The following VWC2 variants were observed in gnomAD, a reference collection of about 807,000 sequenced individuals.
VWC2 encodes von Willebrand factor C domain containing 2.
VWC2 carries 14 observed loss-of-function variants against 29.8 expected under a neutral mutation model. The ratio of observed to expected loss-of-function variants is 0.47; its 90% CI spans 0.31 to 0.74. VWC2 has a LOEUF of 0.74. Among genes scored for constraint, VWC2 ranks in the 30% least tolerant of loss-of-function variants. The pLI, the probability that VWC2 is intolerant of heterozygous loss-of-function variation, is 0.05. For synonymous variants in VWC2, 213 were observed against 199.0 expected, an observed-to-expected ratio of 1.07 and a Z score of -0.59; for missense variants, 457 against 459.8, an observed-to-expected ratio of 0.99 and a Z score of 0.05.
At chr7:49,881,519 T>G (rs1362359102) in intron 3 of VWC2, among the ~76,000 whole-genome samples, 2 of 152,190 alleles carry the variant, frequency 1.3e-5, no homozygotes, top group East Asian at 3.8e-4. Flanking sequence ...GTGGCCTTAC[T>G]TATTTGGGTT....
At chr7:49,844,552 T>C (rs946510295) in intron 3 of VWC2, among the ~76,000 whole-genome samples, 6 of 152,176 alleles carry the variant, frequency 3.9e-5, no homozygotes, top group African/African-American at 1.2e-4. Flanking sequence ...GGCCATAAAA[T>C]TGTAGCAAAC....
chr7:49,777,299 C>A (rs146747146), intron 2 of VWC2, among the ~76,000 whole-genome samples: 1 of 152,266 alleles, frequency 6.6e-6, no homozygotes, highest in African/African-American at 2.4e-5. Context: ...GTGAGATCTG[C>A]TAATTCCCAG....
At chr7:49,795,999 G>T (rs761293852) in intron 2 of VWC2, among the ~76,000 whole-genome samples, 2 of 152,112 alleles carry the variant, frequency 1.3e-5, no homozygotes, top group African/African-American at 2.4e-5. Context: ...AGGCAGATAG[G>T]GGGTAGGGGC....
At chr7:49,821,481 T>C (rs56143906) in intron 3 of VWC2, among the ~76,000 whole-genome samples, 11,459 of 152,240 alleles carry the variant, frequency 0.075, 504 homozygotes, top group South Asian at 0.1. Flanking sequence ...TCAACTGCAA[T>C]TTTCTAATAG....
intron 3 of VWC2, among the ~76,000 whole-genome samples, chr7:49,843,860 G>A (rs1180344589): frequency 1.3e-5 from 2 of 152,162 alleles, no homozygotes; most frequent in African/African-American, 4.8e-5. Context: ...TGCAGAGGAT[G>A]AATGGAAAAA....
chr7:49,798,444 G>GAGCCACGGCTGC (rs1344420383), intron 2 of VWC2, among the ~76,000 whole-genome samples: 4 of 152,228 alleles, frequency 2.6e-5, no homozygotes, highest in African/African-American at 9.6e-5. Flanking sequence ...CCCACGGCTG[G>GAGCCACGGCTGC]AGCCACGGCT....
intron 3 of VWC2, among the ~76,000 whole-genome samples, chr7:49,818,018 G>C (rs1183266780): frequency 6.6e-6 from 1 of 152,190 alleles, no homozygotes; most frequent in Non-Finnish European, 1.5e-5. Flanking sequence ...TTTGTCACCT[G>C]ATGAGCAGGC....
chr7:49,851,078 G>C (rs1378294669), intron 3 of VWC2, among the ~76,000 whole-genome samples: 4 of 152,170 alleles, frequency 2.6e-5, no homozygotes, highest in Admixed American at 1.3e-4. Flanking sequence ...TGGAGGTTCC[G>C]ACGGCTGCTC....
chr7:49,794,636 C>A (rs961652340), intron 2 of VWC2, among the ~76,000 whole-genome samples: 1 of 152,122 alleles, frequency 6.6e-6, no homozygotes, highest in Admixed American at 6.5e-5. Flanking sequence ...GTGCAAGGAC[C>A]CTGAGCACAG....
intron 3 of VWC2, among the ~76,000 whole-genome samples, chr7:49,808,367 C>T (rs1364915625): frequency 6.6e-6 from 1 of 151,872 alleles, no homozygotes; most frequent in Non-Finnish European, 1.5e-5. Context: ...AACAACAGAG[C>T]CCCAAAATAC....
intron 3 of VWC2, among the ~76,000 whole-genome samples, chr7:49,910,489 T>C (rs1793349717): frequency 6.6e-6 from 1 of 152,158 alleles, no homozygotes; most frequent in South Asian, 2.1e-4. Context: ...GGCCTTTATT[T>C]AGGATGCAGT....
intron 1 of VWC2, among the ~76,000 whole-genome samples, chr7:49,774,448 C>T (rs1788007810): frequency 6.6e-6 from 1 of 152,194 alleles, no homozygotes; most frequent in African/African-American, 2.4e-5. Flanking sequence ...TCTCCCAGCC[C>T]CTTTGGGCGG....
intron 3 of VWC2, among the ~76,000 whole-genome samples, chr7:49,911,383 G>A (rs1325770512): frequency 6.6e-6 from 1 of 151,292 alleles, no homozygotes; most frequent in Non-Finnish European, 1.5e-5. Context: ...TCTGGAGGCT[G>A]CGGCAGGAGA....
chr7:49,792,618 A>G (rs1384945416), intron 2 of VWC2, among the ~76,000 whole-genome samples: 3 of 152,284 alleles, frequency 2.0e-5, no homozygotes, highest in East Asian at 1.9e-4. Flanking sequence ...GTTGCCACAT[A>G]CACTGTCTTT....
At chr7:49,791,267 G>C in intron 2 of VWC2, among the ~76,000 whole-genome samples, 1 of 152,232 alleles carries the variant, frequency 6.6e-6, no homozygotes, top group East Asian at 1.9e-4. Flanking sequence ...AGCTAGAAAA[G>C]GCACTTTCGC....
At chr7:49,826,905 A>G (rs1037531104) in intron 3 of VWC2, among the ~76,000 whole-genome samples, 1 of 152,106 alleles carries the variant, frequency 6.6e-6, no homozygotes, top group African/African-American at 2.4e-5. Context: ...ATGCCTTATG[A>G]TAAATTTATG....
chr7:49,792,319 G>A (rs1278680189), intron 2 of VWC2, among the ~76,000 whole-genome samples: 2 of 152,152 alleles, frequency 1.3e-5, no homozygotes, highest in Non-Finnish European at 2.9e-5. Context: ...AAAGACTGAG[G>A]CACAAGTTTC....
intron 2 of VWC2, among the ~76,000 whole-genome samples, chr7:49,790,146 A>G (rs1429236269): frequency 6.6e-6 from 1 of 152,244 alleles, no homozygotes; most frequent in Non-Finnish European, 1.5e-5. Flanking sequence ...TTTCCCCCGC[A>G]TAATTGACCT....
intron 2 of VWC2, among the ~76,000 whole-genome samples, chr7:49,783,027 C>G (rs182397174): frequency 6.6e-6 from 1 of 152,046 alleles, no homozygotes; most frequent in Non-Finnish European, 1.5e-5. Context: ...GAGGTAGCCA[C>G]GCCCTGGTCC....
Sources: allele counts gnomAD v4.1 joint callset (sites outside exome capture counted in the v4.1 genomes callset), GRCh38; gene constraint gnomAD v4.1.1; transcripts MANE v1.5; gene names NCBI Gene and HGNC (gene_info 2026-07-23, HGNC 2026-07-21).